CCNB3: variants seen among roughly 807,000 people sequenced by gnomAD.
The protein encoded by CCNB3 is G2/mitotic-specific cyclin-B3.
In CCNB3, 12 loss-of-function variants were observed where a neutral mutation model predicts 68.0. The observed-to-expected ratio is 0.18, with a 90% CI of 0.11 to 0.29. The LOEUF (loss-of-function observed/expected upper bound fraction) is 0.29. Ranked by LOEUF, CCNB3 falls within the 10% of genes least tolerant of loss-of-function variation. The probability of loss-of-function intolerance (pLI) is 1.00; values close to 1 mark genes in which losing one functional copy is unlikely to be tolerated. For missense variants in CCNB3, 904 were observed against 993.1 expected, an observed-to-expected ratio of 0.91 and a Z score of 1.21; for synonymous variants, 354 against 388.9, an observed-to-expected ratio of 0.91 and a Z score of 1.06.
At chrX:50,203,496 C>G, upstream of CCNB3, among the ~76,000 whole-genome samples, 1 of 112,150 alleles carries the variant, frequency 8.9e-6, no homozygotes, top group Non-Finnish European at 1.9e-5. Context: ...ATTGGGAACA[C>G]CACTTCTTTT....
chrX:50,210,722 A>G (rs1433747086), intron 1 of CCNB3, among the ~76,000 whole-genome samples: 1 of 111,987 alleles, frequency 8.9e-6, no homozygotes, highest in Non-Finnish European at 1.9e-5. Context: ...TTCTGGCTGT[A>G]ATGTTTAAAA....
chrX:50,224,029 G>T (rs1935713993), intron 1 of CCNB3, among the ~76,000 whole-genome samples: 1 of 111,311 alleles, frequency 9.0e-6, no homozygotes, highest in African/African-American at 3.3e-5. Flanking sequence ...CATTGGTATT[G>T]TCTTTTTTTT....
intron 8 of CCNB3, among the ~76,000 whole-genome samples, chrX:50,337,383 AACTAACTGTCCCTTTGCTACTAGT>A (rs1238686353): frequency 9.1e-6 from 1 of 110,186 alleles, no homozygotes; most frequent in African/African-American, 3.3e-5. Flanking sequence ...AGCCTTCCTT[AACTAACTGTCCCTTTGCTACTAGT>A]ACTGCTGCTG....
intron 1 of CCNB3, among the ~76,000 whole-genome samples, chrX:50,228,233 T>C (rs1290104120): frequency 2.3e-5 from 2 of 85,601 alleles, no homozygotes; most frequent in Non-Finnish European, 4.2e-5. Context: ...TATAAATACA[T>C]ACATAGAATA....
At chrX:50,292,504 A>G (rs1457399593) in intron 4 of CCNB3, among the ~76,000 whole-genome samples, 1 of 111,524 alleles carries the variant, frequency 9.0e-6, no homozygotes, top group Non-Finnish European at 1.9e-5. Context: ...ATCTGGAGGC[A>G]CAGGATGTCT....
chrX:50,344,774 T>C (rs931870448), intron 9 of CCNB3, among the ~76,000 whole-genome samples: 1 of 111,625 alleles, frequency 9.0e-6, no homozygotes, highest in African/African-American at 3.3e-5. Context: ...ATTTGGGAAG[T>C]AGCAGTATAA....
At chrX:50,326,046 C>T (rs1922279379) in intron 8 of CCNB3, among the ~76,000 whole-genome samples, 1 of 111,011 alleles carries the variant, frequency 9.0e-6, no homozygotes, top group African/African-American at 3.3e-5. Flanking sequence ...TGCTTTGCAC[C>T]TTGATTTTTA....
At chrX:50,226,210 AT>A (rs1183676205) in intron 1 of CCNB3, among the ~76,000 whole-genome samples, 3 of 65,968 alleles carry the variant, frequency 4.5e-5, no homozygotes, top group African/African-American at 1.5e-4. Flanking sequence ...GAATATATAT[AT>A]TTATATATAT....
chrX:50,342,934 C>T (rs782308112), intron 9 of CCNB3, among the ~76,000 whole-genome samples: 4 of 111,318 alleles, frequency 3.6e-5, no homozygotes, highest in East Asian at 2.8e-4. Context: ...CTTGAACTCC[C>T]GACCTCAAGC....
chrX:50,345,224 C>T (rs782728548), intron 9 of CCNB3, among the ~76,000 whole-genome samples: 92 of 109,308 alleles, frequency 8.4e-4, no homozygotes, highest in African/African-American at 3.0e-3. Context: ...TCTGTCCCTT[C>T]GTCCTGTGCC....
At chrX:50,306,282 A>G (rs1368805803) in intron 5 of CCNB3, among the ~76,000 whole-genome samples, 1 of 110,922 alleles carries the variant, frequency 9.0e-6, no homozygotes. Context: ...CAGATTATTC[A>G]TTGCAAGTAT....
At position 50,310,773 on chromosome X, in the gene CCNB3, T is replaced by C; in HGVS notation, c.2604T>C (p.Ile868=). ...ETLALQEKPS[I]EQEALFKRHS... is the part of the protein sequence containing the mutation. The stretch of plus-strand genomic sequence containing the variant: ...TGGCCTTGCAGGAGAAGCCCAGCAT[T>C]GAGCAGGAGGCCCTCTTTAAGCGAC... Residue 868 remains isoleucine, a synonymous_variant, in exon 6 of 13, where the codon ATT becomes ATC. Transcript: ENST00000376042. 3 of 1,210,996 alleles carry C rather than the reference T, an allele frequency of 2.5e-6. No homozygotes were observed. The highest frequency in any genetic ancestry group is 3.4e-6 in the Non-Finnish European group (3 of 895,307).
chrX:50,341,329 CAATAAATAAATAAATA>C lies in CCNB3; in HGVS notation c.3517-843_3517-828del, dbSNP rs199995900. Among the ~76,000 whole-genome samples, 93 of 86,707 alleles carry C rather than the reference CAATAAATAAATAAATA, an allele frequency of 1.1e-3. 1 individual carries two copies. Among genetic ancestry groups the C allele is most frequent in the African/African-American group, 2.5e-3 (60 of 24,247 alleles). The allele number at this position is 86,707 out of a possible 115,157, so 75.3% of individuals were successfully genotyped here. On this transcript the variant is annotated intron_variant, in intron 8 of 12. Coordinates refer to ENST00000376042, the MANE Select transcript of CCNB3 (RefSeq NM_033031.3). ...TGGGAGACAGAGCGAAACTCCGTCT[CAATAAATAAATAAATA>C]AATAAATAAATAAATAAATAAATAA...
chrX:50,333,211 G>A (rs960081461), intron 8 of CCNB3, among the ~76,000 whole-genome samples: 4 of 111,096 alleles, frequency 3.6e-5, no homozygotes, highest in Non-Finnish European at 7.5e-5. Flanking sequence ...CCCATTATCC[G>A]AGCCGATTCA....
At chrX:50,212,199 C>T (rs1233753139) in intron 1 of CCNB3, among the ~76,000 whole-genome samples, 10 of 112,156 alleles carry the variant, frequency 8.9e-5, no homozygotes, top group Non-Finnish European at 1.5e-4. Context: ...AGAATGACTG[C>T]GTTTTGCCCA....
intron 1 of CCNB3, among the ~76,000 whole-genome samples, chrX:50,219,791 T>C (rs906258987): frequency 2.7e-5 from 3 of 111,774 alleles, no homozygotes; most frequent in Non-Finnish European, 5.6e-5. Context: ...AAAGTAGTTT[T>C]TTCTAATTCT....
intron 12 of CCNB3, 21 bp from the exon 13 acceptor site, chrX:50,351,586 A>C (rs199616145): frequency 4.5e-5 from 53 of 1,184,568 alleles, no homozygotes; most frequent in East Asian, 3.0e-5. Flanking sequence ...TATGCTGAGG[A>C]GACCCCTCTT....
At chrX:50,318,210 T>A (rs1237043091) in intron 8 of CCNB3, among the ~76,000 whole-genome samples, 1 of 101,005 alleles carries the variant, frequency 9.9e-6, no homozygotes, top group Non-Finnish European at 2.0e-5. Context: ...TCAACTCTAT[T>A]CTTAAAAAAA....
chrX:50,224,974 T>A, intron 1 of CCNB3, among the ~76,000 whole-genome samples: 2 of 111,957 alleles, frequency 1.8e-5, no homozygotes, highest in Non-Finnish European at 3.8e-5. Flanking sequence ...TTCAAACATA[T>A]AGTAAATAAT....
Sources: allele counts gnomAD v4.1 joint callset (sites outside exome capture counted in the v4.1 genomes callset), GRCh38; gene constraint gnomAD v4.1.1; transcripts MANE v1.5; gene names NCBI Gene and HGNC (gene_info 2026-07-23, HGNC 2026-07-21).